The following C10orf105 variants were observed in gnomAD, a reference collection of about 807,000 sequenced individuals.
The protein encoded by C10orf105 is uncharacterized protein C10orf105.
Under a neutral mutation model 0.6 loss-of-function variants are expected in C10orf105, and 2 were observed. The ratio of observed to expected loss-of-function variants is 3.18; its 90% confidence interval spans 1.30 to 10.01. The LOEUF (loss-of-function observed/expected upper bound fraction) is 10.01. Ranked by LOEUF, C10orf105 falls within the 30% of genes most tolerant of loss-of-function variation. C10orf105 has a pLI of 0.04. For missense variants in C10orf105, 209 were observed against 191.4 expected (o/e 1.09, Z -0.54); for synonymous variants, 95 against 82.4 (o/e 1.15, Z -0.83).
At chr10:71,718,789 A>C (rs1376912369) in intron 1 of C10orf105, among the ~76,000 whole-genome samples, 2 of 152,196 alleles carry the variant, frequency 1.3e-5, no homozygotes, top group African/African-American at 4.8e-5. Flanking sequence ...AAGTGAGGCC[A>C]GGCGTGTTGG....
At position 71,719,344 on chromosome 10, in the gene C10orf105, G is replaced by A. The variant is rs558930338; in HGVS notation, c.-6+283C>T. Among the ~76,000 whole-genome samples the A allele has an allele frequency of 1.3e-3, 205 of 152,288 alleles. 1 individual carries two copies. Among genetic ancestry groups the A allele is most frequent in the Middle Eastern group, 3.4e-3 (1 of 294 alleles). ...GCCACTCCCTTCCCACTGGGGCCAG[G>A]GTGCACCAGCGGGCCCTGCTCTGGA... On this transcript the variant is annotated intron_variant, in intron 1 of 1. Coordinates refer to ENST00000441508, the MANE Select transcript of C10orf105 (RefSeq NM_001164375.3).
Position 71,728,852 on chromosome 10 carries a change from T to C in C10orf105, c.-6+8876A>G, listed in dbSNP as rs564966163. 3.7e-4 allele frequency among the ~76,000 whole-genome samples: 56 copies of C among 152,262 alleles called. 3 individuals are homozygous for C. The South Asian group carries it at 0.01, about 28-fold the overall frequency. On this transcript the variant is annotated intron_variant, in intron 1 of 1. Transcript: ENST00000398786. ...CCTAGTAGCTGGGATTACAGATGCA[T>C]GTCACCACCCCCGGCTAATTTTTTT...
chr10:71,727,563 C>T (rs1290256940), intron 1 of C10orf105, among the ~76,000 whole-genome samples: 1 of 152,206 alleles, frequency 6.6e-6, no homozygotes. Context: ...TCCTCCAGTT[C>T]CTGCCTCAGA....
chr10:71,728,959 T>C (rs1421249659), intron 1 of C10orf105, among the ~76,000 whole-genome samples: 1 of 152,094 alleles, frequency 6.6e-6, no homozygotes, highest in African/African-American at 2.4e-5. Flanking sequence ...GCCTCCCTAG[T>C]AGCTGGGACT....
At chr10:71,729,248 G>A (rs10823835) in intron 1 of C10orf105, among the ~76,000 whole-genome samples, 45,940 of 152,100 alleles carry the variant, frequency 0.3, 7,837 homozygotes, top group Non-Finnish European at 0.4. Context: ...GCACAATTCA[G>A]AAACAGCCAC....
In C10orf105 at chr10:71,712,903, A is replaced by C; in HGVS notation, c.*3033T>G. Reference sequence around the variant, plus strand: ...GAGGGCACATGCTCAGTGGCACCAGAGGCGGAAGCAGGTGGGGGCCCAGGG... The same window carrying C: ...GAGGGCACATGCTCAGTGGCACCAGCGGCGGAAGCAGGTGGGGGCCCAGGG... On this transcript the variant is annotated 3_prime_UTR_variant, in exon 2 of 2. Transcript: ENST00000441508. 6.8e-7 allele frequency: 1 copy of C among 1,469,318 alleles called. No individual in the cohort carries two copies. The allele number at this position is 1,469,318 out of a possible 1,614,324, so 91.0% of individuals were successfully genotyped here.
At chr10:71,727,142 C>T (rs1292649865) in intron 1 of C10orf105, among the ~76,000 whole-genome samples, 3 of 152,188 alleles carry the variant, frequency 2.0e-5, no homozygotes, top group African/African-American at 7.2e-5. Context: ...TCATAATAGC[C>T]TTATGAAGTA....
At chr10:71,729,891 G>A (rs747662546) in intron 1 of C10orf105, among the ~76,000 whole-genome samples, 9 of 151,558 alleles carry the variant, frequency 5.9e-5, no homozygotes, top group Non-Finnish European at 1.3e-4. Flanking sequence ...CTGGAGTGCA[G>A]TGGCGCGATC....
intron 1 of C10orf105, among the ~76,000 whole-genome samples, chr10:71,735,151 G>A (rs908610544): frequency 2.0e-4 from 31 of 152,208 alleles, no homozygotes; most frequent in African/African-American, 6.5e-4. Flanking sequence ...CTGTCCTGAT[G>A]CCTCAGCTGC....
chr10:71,729,714 G>A (rs962827144), intron 1 of C10orf105, among the ~76,000 whole-genome samples: 14 of 152,174 alleles, frequency 9.2e-5, no homozygotes, highest in African/African-American at 3.1e-4. Flanking sequence ...TATTTTCCAA[G>A]ATATATTTTA....
chr10:71,722,045 C>T (rs970270367), upstream of C10orf105, among the ~76,000 whole-genome samples: 1 of 152,234 alleles, frequency 6.6e-6, no homozygotes, highest in Non-Finnish European at 1.5e-5. Flanking sequence ...TCTTTGCTAG[C>T]AGGAACCCAT....
rs1167280598 is a variant in C10orf105 at position 71,712,791 on chromosome 10, C to T, written c.*3145G>A. The T allele has an allele frequency of 6.2e-7, 1 of 1,612,658 alleles. No individual in the cohort carries two copies. Among genetic ancestry groups the T allele is most frequent in the Non-Finnish European group, 8.5e-7 (1 of 1,179,556 alleles). On this transcript the variant is annotated 3_prime_UTR_variant, in exon 2 of 2. Transcript: ENST00000441508. Reference sequence around the variant, plus strand: ...GAGGCCAGCGTCCCTGAGGACATCCCTGAAGGCCACAGCATCTTGCAGGCA... The same window carrying T: ...GAGGCCAGCGTCCCTGAGGACATCCTTGAAGGCCACAGCATCTTGCAGGCA...
intron 1 of C10orf105, among the ~76,000 whole-genome samples, chr10:71,731,429 G>A (rs1196042461): frequency 3.3e-5 from 5 of 152,192 alleles, no homozygotes; most frequent in African/African-American, 4.8e-5. Context: ...GGGCACATAC[G>A]CGGCTGTGGC....
upstream of C10orf105, among the ~76,000 whole-genome samples, chr10:71,722,341 C>T (rs558433252): frequency 1.3e-5 from 2 of 152,292 alleles, no homozygotes; most frequent in East Asian, 1.9e-4. Context: ...GGATACCCTA[C>T]AGGATCAAAG....
chr10:71,723,945 T>C (rs1866686036), upstream of C10orf105: 4 of 1,336,948 alleles, frequency 3.0e-6, no homozygotes, highest in African/African-American at 1.5e-5. Context: ...TTTGGCAGGA[T>C]GGGGTAGGAT....
intron 1 of C10orf105, chr10:71,732,791 C>A (rs1223156903): frequency 3.4e-6 from 3 of 878,848 alleles, no homozygotes; most frequent in Non-Finnish European, 4.2e-6. Flanking sequence ...CTCTGGTCAT[C>A]GAAGTGTGTG....
chr10:71,713,620 G>T lies in C10orf105; in HGVS notation c.*2316C>A. 3.0e-6 allele frequency: 1 copy of T among 329,292 alleles called. No individual in the cohort carries two copies. Among genetic ancestry groups the T allele is most frequent in the South Asian group, 3.3e-5 (1 of 30,108 alleles). 20.4% of individuals were successfully genotyped at this position (329,292 alleles called of 1,614,324 possible). A position where few individuals can be genotyped will look rare whatever the true frequency, so the allele number is the denominator to read the frequency against. ...AGCCCAGAAAGCCCTGAGGATTTGC[G>T]AGAGTGTGGTGGCTAGCTCCAGAAG... On this transcript the variant is annotated 3_prime_UTR_variant, in exon 2 of 2. Transcript: ENST00000441508.
At chr10:71,721,923 G>A (rs1866576076), upstream of C10orf105, among the ~76,000 whole-genome samples, 1 of 152,172 alleles carries the variant, frequency 6.6e-6, no homozygotes, top group African/African-American at 2.4e-5. Flanking sequence ...CTGTTTCCCA[G>A]CACAAATGTT....
At chr10:71,730,750 G>T in intron 1 of C10orf105, 1 of 1,229,644 alleles carries the variant, frequency 8.1e-7, no homozygotes, top group Non-Finnish European at 1.1e-6. Context: ...TGCTGGGATG[G>T]TCTTGATCAC....
Sources: allele counts gnomAD v4.1 joint callset (sites outside exome capture counted in the v4.1 genomes callset), GRCh38; gene constraint gnomAD v4.1.1; transcripts MANE v1.5; gene names NCBI Gene and HGNC (gene_info 2026-07-23, HGNC 2026-07-21).